DNAH14: variants seen among roughly 807,000 people sequenced by gnomAD.
DNAH14 encodes the protein dynein axonemal heavy chain 14, also known as axonemal beta dynein heavy chain 14.
A neutral mutation model predicts 520.9 loss-of-function variants in DNAH14; 478 were observed. The ratio of observed to expected loss-of-function variants is 0.92; its 90% CI spans 0.85 to 0.99. The LOEUF is 0.99. DNAH14 is among the 50% of genes least tolerant of loss of function. The pLI is 0.00. For missense variants in DNAH14, 4,831 were observed against 5,234.5 expected, an observed-to-expected ratio of 0.92 and a Z score of 2.38; for synonymous variants, 1,581 against 1,757.2, an observed-to-expected ratio of 0.90 and a Z score of 2.51.
intron 17 of DNAH14, among the ~76,000 whole-genome samples, chr1:225,073,873 G>A (rs2071868842): frequency 6.6e-6 from 1 of 151,696 alleles, no homozygotes; most frequent in Non-Finnish European, 1.5e-5. Flanking sequence ...AGTAGAGACG[G>A]GCTTTCACCA....
chr1:225,226,227 G>T (rs569127167), intron 41 of DNAH14, among the ~76,000 whole-genome samples: 1 of 152,228 alleles, frequency 6.6e-6, no homozygotes, highest in East Asian at 1.9e-4. Flanking sequence ...TGGCTAGGAG[G>T]GATTGACTTA....
At chr1:225,250,335 C>T (rs1281493496) in intron 43 of DNAH14, among the ~76,000 whole-genome samples, 1 of 152,170 alleles carries the variant, frequency 6.6e-6, no homozygotes, top group Non-Finnish European at 1.5e-5. Flanking sequence ...TCTCTAAAAA[C>T]TAATGATGTA....
chr1:225,351,785 A>T lies in DNAH14; in HGVS notation c.11435A>T (p.Asp3812Val), dbSNP rs765031673. The part of the protein sequence containing the change: ...KSLLSNVSQW[D>V]TFKNSKAVYS... ...CTTTTATCAAACGTATCACAATGGG[A>T]TACTTTTAAGAACAGTAAAGCAGTT... The change falls in exon 72 of 86, where the codon GAT becomes GTT. Residue 3812 changes from aspartate (D) to valine (V), a missense_variant. Asp to Val is a radical substitution (Grantham distance 152). Coordinates refer to ENST00000682510, the MANE Select transcript of DNAH14 (RefSeq NM_001367479.1). 1 of 1,551,376 alleles carries T rather than the reference A, an allele frequency of 6.4e-7. No individual in the cohort carries two copies. The highest frequency in any genetic ancestry group is 8.7e-7 in the Non-Finnish European group (1 of 1,146,768).
chr1:225,118,886 C>CAAAAA (rs35262847), intron 25 of DNAH14, among the ~76,000 whole-genome samples: 8 of 74,464 alleles, frequency 1.1e-4, no homozygotes, highest in South Asian at 4.4e-4. Flanking sequence ...CTCTCTGTCT[C>CAAAAA]AAAAAAAAAA....
chr1:225,081,692 T>C (rs905220519), intron 19 of DNAH14, among the ~76,000 whole-genome samples: 6 of 152,190 alleles, frequency 3.9e-5, no homozygotes, highest in Non-Finnish European at 1.5e-5. Context: ...ATTGGTTTTT[T>C]GAGTGTATGG....
intron 15 of DNAH14, among the ~76,000 whole-genome samples, chr1:225,047,920 T>A (rs528449334): frequency 3.0e-4 from 45 of 152,338 alleles, no homozygotes; most frequent in African/African-American, 1.0e-3. Context: ...ACCTGGTTGA[T>A]GTTTTAAAAC....
intron 8 of DNAH14, among the ~76,000 whole-genome samples, chr1:224,987,953 A>T (rs1176985025): frequency 6.6e-6 from 1 of 152,126 alleles, no homozygotes; most frequent in Non-Finnish European, 1.5e-5. Flanking sequence ...GGTTTGTTAC[A>T]TAGGTAAATG....
In DNAH14 at chr1:225,265,177, C is replaced by T; in HGVS notation, c.7223-5C>T. On this transcript the variant is annotated splice_region_variant and splice_polypyrimidine_tract_variant and intron_variant, in intron 47 of 85. Coordinates refer to ENST00000682510, the MANE Select transcript of DNAH14 (RefSeq NM_001367479.1). ...TGTTTTTTCTTTCTATGTTTGGCAT[C>T]ACAGATAATCCCACTAAAAAGCCAG... 6.9e-7 allele frequency: 1 copy of T among 1,442,426 alleles called. No homozygotes were observed. Among genetic ancestry groups the T allele is most frequent in the Non-Finnish European group, 9.1e-7 (1 of 1,102,670 alleles). 89.4% of individuals were successfully genotyped at this position (1,442,426 alleles called of 1,614,324 possible).
chr1:225,010,000 AATG>A (rs1452074065), intron 10 of DNAH14, among the ~76,000 whole-genome samples: 3 of 152,092 alleles, frequency 2.0e-5, no homozygotes, highest in African/African-American at 7.2e-5. Flanking sequence ...TTTGGACTGA[AATG>A]ATGGGGTTTT....
chr1:225,252,206 C>G, intron 43 of DNAH14, 95 bp from the exon 44 acceptor site: 1 of 750,330 alleles, frequency 1.3e-6, no homozygotes, highest in Non-Finnish European at 2.3e-6. Flanking sequence ...ATTTCTTGTT[C>G]AACAATCAGA....
chr1:225,356,137 A>G (rs192101191), intron 73 of DNAH14, among the ~76,000 whole-genome samples: 50 of 152,278 alleles, frequency 3.3e-4, no homozygotes, highest in African/African-American at 1.2e-3. Context: ...CCTTTTGGCT[A>G]TTGTGAACAA....
chr1:225,042,864 T>C lies in DNAH14; in HGVS notation c.1518T>C (p.Asp506=), dbSNP rs1478099585. 1 of 1,551,392 alleles carries C rather than the reference T, an allele frequency of 6.4e-7. No individual in the cohort carries two copies. The highest frequency in any genetic ancestry group is 2.4e-5 in the East Asian group (1 of 40,888). The change falls in exon 13 of 86, where the codon GAT becomes GAC. Residue 506 remains aspartate (D), a synonymous_variant. Coordinates refer to ENST00000682510, the MANE Select transcript of DNAH14 (RefSeq NM_001367479.1). ...EILNSVEVGK[D]LRKTYAPIFE... ...TGAATAGTGTTGAAGTGGGGAAGGATTTGAGAAAAACATATGCACCAATAT... is the reference window on the plus strand; with the variant it reads ...TGAATAGTGTTGAAGTGGGGAAGGACTTGAGAAAAACATATGCACCAATAT...
chr1:224,944,456 C>G (rs937629516), intron 1 of DNAH14, among the ~76,000 whole-genome samples: 1 of 152,118 alleles, frequency 6.6e-6, no homozygotes, highest in Non-Finnish European at 1.5e-5. Context: ...GCTTGCCAGT[C>G]TGTGTCTTTT....
At chr1:224,991,202 C>A (rs971415933) in intron 8 of DNAH14, among the ~76,000 whole-genome samples, 2 of 142,344 alleles carry the variant, frequency 1.4e-5, no homozygotes, top group Non-Finnish European at 3.0e-5. Flanking sequence ...TCAAGCGATT[C>A]TCCTGCCTCA....
chr1:225,378,865 G>A (rs2095740572), intron 79 of DNAH14, among the ~76,000 whole-genome samples: 1 of 118,022 alleles, frequency 8.5e-6, no homozygotes. Context: ...GGGTGACAGT[G>A]CAAAACTCCG....
chr1:224,988,811 G>A (rs970104541), intron 8 of DNAH14, among the ~76,000 whole-genome samples: 12 of 152,076 alleles, frequency 7.9e-5, no homozygotes, highest in African/African-American at 1.2e-4. Flanking sequence ...ATGCCTGGCT[G>A]ATTTTTAAAA....
At chr1:225,061,014 A>G (rs372122116) in intron 17 of DNAH14, among the ~76,000 whole-genome samples, 71 of 151,296 alleles carry the variant, frequency 4.7e-4, no homozygotes, top group Non-Finnish European at 2.5e-4. Context: ...GCTGCATGCT[A>G]GGAGAACCAC....
At chr1:225,237,756 G>A (rs1272292484) in intron 42 of DNAH14, among the ~76,000 whole-genome samples, 1 of 152,106 alleles carries the variant, frequency 6.6e-6, no homozygotes, top group African/African-American at 2.4e-5. Flanking sequence ...ATCAGTCATA[G>A]GTTCGGTATC....
intron 42 of DNAH14, among the ~76,000 whole-genome samples, chr1:225,237,463 T>C (rs565543469): frequency 2.6e-4 from 39 of 152,328 alleles, no homozygotes; most frequent in African/African-American, 9.4e-4. Flanking sequence ...TTATAGGGCT[T>C]TCTCTGAGAA....
Sources: allele counts gnomAD v4.1 joint callset (sites outside exome capture counted in the v4.1 genomes callset), GRCh38; gene constraint gnomAD v4.1.1; transcripts MANE v1.5; gene names NCBI Gene and HGNC (gene_info 2026-07-23, HGNC 2026-07-21).